TTC12: variants seen among roughly 807,000 people sequenced by gnomAD.
TTC12 encodes tetratricopeptide repeat domain 12.
Under a neutral mutation model 90.1 loss-of-function variants are expected in TTC12, and 70 were observed. That is an observed-to-expected ratio of 0.78 (90% CI 0.64 to 0.95). The LOEUF is 0.95. Ranked by LOEUF, TTC12 falls within the 40% of genes least tolerant of loss-of-function variation. TTC12 has a pLI of 0.00. For synonymous variants in TTC12, 296 were observed against 311.5 expected (o/e 0.95, Z 0.53); for missense variants, 819 against 846.1 (o/e 0.97, Z 0.40).
At chr11:113,335,553 G>A (rs1893696) in intron 8 of TTC12, among the ~76,000 whole-genome samples, 92,109 of 151,816 alleles carry the variant, frequency 0.61, 28,155 homozygotes, top group Middle Eastern at 0.64. Context: ...CCCTTCCTAG[G>A]AAAACCCCAT....
At chr11:113,320,977 A>C (rs187385717) in intron 2 of TTC12, among the ~76,000 whole-genome samples, 2 of 152,338 alleles carry the variant, frequency 1.3e-5, no homozygotes, top group Admixed American at 1.3e-4. Flanking sequence ...CAGGGGTTCA[A>C]ATCGAGCCTG....
intron 6 of TTC12, chr11:113,329,677 G>A (rs782300102): frequency 4.4e-5 from 26 of 587,326 alleles, no homozygotes; most frequent in African/African-American, 2.6e-4. Flanking sequence ...CTAGCCCTGC[G>A]ATTCTGTAGC....
intron 4 of TTC12, chr11:113,324,273 C>A: frequency 1.9e-6 from 1 of 534,188 alleles, no homozygotes; most frequent in South Asian, 2.8e-5. Flanking sequence ...TTCAAGGGAT[C>A]CAGATAGTTT....
chr11:113,370,968 A>G (rs1329628568), downstream of TTC12, among the ~76,000 whole-genome samples: 2 of 151,772 alleles, frequency 1.3e-5, no homozygotes, highest in Non-Finnish European at 2.9e-5. Context: ...ACATACACAC[A>G]CCCCCACACA....
chr11:113,356,082 G>T (rs560438468), intron 16 of TTC12, among the ~76,000 whole-genome samples: 87 of 152,310 alleles, frequency 5.7e-4, no homozygotes, highest in African/African-American at 2.0e-3. Flanking sequence ...AAGTCTCTTT[G>T]AAGGTCTCTA....
intron 6 of TTC12, among the ~76,000 whole-genome samples, chr11:113,326,530 G>A (rs1352367639): frequency 2.0e-5 from 3 of 152,182 alleles, no homozygotes; most frequent in Non-Finnish European, 4.4e-5. Context: ...GTTTAAGAAT[G>A]TCTGGCTCTG....
chr11:113,338,069 TTTGTTGTTGTTG>T (rs148118958), intron 8 of TTC12, among the ~76,000 whole-genome samples: 4 of 151,288 alleles, frequency 2.6e-5, no homozygotes, highest in African/African-American at 7.3e-5. Flanking sequence ...TCAGAACTGT[TTTGTTGTTGTTG>T]TTGTTGTTGT....
rs1946929178 is a variant in TTC12, at chr11:113,316,192, C to T, written c.-15-51C>T. The stretch of plus-strand genomic sequence containing the variant: ...TAGAAGGCTAATAAGCCTGACCGTT[C>T]TGTTTAGTGCTTTATTATTATTAAT... On this transcript the variant is annotated intron_variant, in intron 1 of 21. Coordinates refer to ENST00000529221, the MANE Select transcript of TTC12 (RefSeq NM_017868.4). 5 of 895,500 alleles carry T rather than the reference C, an allele frequency of 5.6e-6. No homozygotes were observed. In the African/African-American group the frequency reaches 8.5e-5, roughly 15 times the overall value. The allele number at this position is 895,500 out of a possible 1,614,324, so 55.5% of individuals were successfully genotyped here.
chr11:113,338,794 G>A lies in TTC12; in HGVS notation c.597G>A (p.Lys199=). The A allele has an allele frequency of 6.2e-7, 1 of 1,613,992 alleles. No homozygotes were observed. The highest frequency in any genetic ancestry group is 1.3e-5 in the African/African-American group (1 of 75,036). Residue 199 remains lysine (K), a synonymous_variant, in exon 9 of 22, where the codon AAG becomes AAA. Coordinates refer to ENST00000529221, the MANE Select transcript of TTC12 (RefSeq NM_017868.4). ...NYSVSRECYK[K]ILEINPKLQT... ...TCCAGTCTAGAGAGTGTTATAAGAAGATCTTAGAAATAAACCCCAAGCTGC... is the reference window on the plus strand; with the variant it reads ...TCCAGTCTAGAGAGTGTTATAAGAAAATCTTAGAAATAAACCCCAAGCTGC...
chr11:113,357,367 T>G (rs553817449), intron 16 of TTC12, among the ~76,000 whole-genome samples: 57 of 152,334 alleles, frequency 3.7e-4, no homozygotes, highest in Middle Eastern at 6.8e-3. Context: ...GGTGTGGGTT[T>G]CAACGTACTC....
At chr11:113,356,208 T>G (rs1555152395) in intron 16 of TTC12, among the ~76,000 whole-genome samples, 2 of 152,220 alleles carry the variant, frequency 1.3e-5, no homozygotes, top group African/African-American at 4.8e-5. Flanking sequence ...TTCTTTGTCT[T>G]TTTTGGTCTT....
intron 7 of TTC12, among the ~76,000 whole-genome samples, chr11:113,333,924 A>G (rs1948204506): frequency 6.6e-6 from 1 of 152,198 alleles, no homozygotes; most frequent in Non-Finnish European, 1.5e-5. Flanking sequence ...TAACTGCAGC[A>G]ATAGCAGCTA....
chr11:113,324,472 G>A (rs1401265362), intron 4 of TTC12, 133 bp from the exon 5 acceptor site: 3 of 621,910 alleles, frequency 4.8e-6, no homozygotes, highest in Non-Finnish European at 8.4e-6. Context: ...CCTCAGAATG[G>A]TGTGTGTGCG....
chr11:113,371,326 T>C (rs1243253245), downstream of TTC12: 1 of 152,240 alleles, frequency 6.6e-6, no homozygotes, highest in Non-Finnish European at 1.5e-5. Flanking sequence ...TAACACAATG[T>C]AAATTCTATG....
intron 4 of TTC12, 141 bp from the exon 5 acceptor site, chr11:113,324,464 T>G (rs1217256079): frequency 1.6e-6 from 1 of 610,056 alleles, no homozygotes; most frequent in Non-Finnish European, 2.8e-6. Flanking sequence ...TTTAGTTGCC[T>G]CAGAATGGTG....
intron 16 of TTC12, 138 bp downstream of exon 16, chr11:113,352,345 A>G (rs1949348232): frequency 2.8e-6 from 3 of 1,072,536 alleles, no homozygotes; most frequent in Admixed American, 2.5e-5. Flanking sequence ...TTCTGTAACC[A>G]CGGATTTTAT....
At chr11:113,368,522 G>T, downstream of TTC12, 2 of 1,545,150 alleles carry the variant, frequency 1.3e-6, no homozygotes, top group South Asian at 2.4e-5. Context: ...TCCTAAAGAG[G>T]ATGTGGCCGG....
chr11:113,334,847 T>C, intron 7 of TTC12, 119 bp from the exon 8 acceptor site: 1 of 749,358 alleles, frequency 1.3e-6, no homozygotes, highest in Non-Finnish European at 2.2e-6. Flanking sequence ...TTTTGTCAAC[T>C]CTGGTAGTTG....
chr11:113,325,450 A>G (rs1555140590), intron 5 of TTC12, 74 bp from the exon 6 acceptor site: 16 of 1,570,124 alleles, frequency 1.0e-5, no homozygotes, highest in Admixed American at 7.1e-5. Flanking sequence ...AGAATTGGAA[A>G]ATCGGGGGAA....
Sources: gnomAD v4.1 joint callset for allele counts (sites outside exome capture counted in the v4.1 genomes callset) on GRCh38, gnomAD v4.1.1 for gene constraint, MANE v1.5 for transcripts, NCBI Gene and HGNC (gene_info 2026-07-23, HGNC 2026-07-21) for gene names.